The following STXBP5L variants were observed in gnomAD, a reference collection of about 807,000 sequenced individuals.
STXBP5L encodes syntaxin-binding protein 5-like.
STXBP5L carries 65 observed loss-of-function variants against 144.5 expected under a neutral mutation model. That is an observed-to-expected ratio of 0.45 (90% CI 0.37 to 0.55). STXBP5L has a LOEUF of 0.55. Among genes scored for constraint, STXBP5L ranks in the 20% least tolerant of loss-of-function variants. The probability of loss-of-function intolerance (pLI) is 0.00; values close to 1 mark genes in which losing one functional copy is unlikely to be tolerated. For synonymous variants in STXBP5L, 505 were observed against 469.6 expected, an observed-to-expected ratio of 1.08 and a Z score of -0.97; for missense variants, 1,298 against 1,405.5, an observed-to-expected ratio of 0.92 and a Z score of 1.22.
chr3:121,394,163 A>C (rs2046665553), intron 22 of STXBP5L, among the ~76,000 whole-genome samples: 1 of 152,026 alleles, frequency 6.6e-6, no homozygotes, highest in Non-Finnish European at 1.5e-5. Flanking sequence ...ATGTATTCCT[A>C]GGTATTTTTA....
intron 2 of STXBP5L, among the ~76,000 whole-genome samples, chr3:120,952,184 T>C (rs538153988): frequency 9.2e-5 from 14 of 151,466 alleles, no homozygotes; most frequent in Non-Finnish European, 1.5e-4. Context: ...AGGGATAGCA[T>C]TGGGAGATAT....
chr3:121,311,449 G>C (rs546450014), intron 19 of STXBP5L, among the ~76,000 whole-genome samples: 1 of 152,148 alleles, frequency 6.6e-6, no homozygotes, highest in African/African-American at 2.4e-5. Context: ...TAAAAGTGTG[G>C]TATATCTTTA....
intron 3 of STXBP5L, among the ~76,000 whole-genome samples, chr3:121,029,719 G>T (rs1022527718): frequency 6.6e-6 from 1 of 151,926 alleles, no homozygotes; most frequent in Non-Finnish European, 1.5e-5. Flanking sequence ...CACAGCAAAA[G>T]AAACTATCAT....
chr3:121,184,228 A>G (rs2047277034), intron 9 of STXBP5L, among the ~76,000 whole-genome samples: 1 of 152,038 alleles, frequency 6.6e-6, no homozygotes, highest in Non-Finnish European at 1.5e-5. Flanking sequence ...ATGAACCGAC[A>G]GAAGTAGGCT....
intron 3 of STXBP5L, among the ~76,000 whole-genome samples, chr3:120,966,258 T>G (rs1939560293): frequency 6.6e-6 from 1 of 152,200 alleles, no homozygotes; most frequent in African/African-American, 2.4e-5. Context: ...TTGTTATTAC[T>G]GACCTTCCGA....
At chr3:121,080,360 A>G (rs893731605) in intron 5 of STXBP5L, among the ~76,000 whole-genome samples, 2 of 152,160 alleles carry the variant, frequency 1.3e-5, no homozygotes, top group African/African-American at 2.4e-5. Context: ...TGTTCTATTC[A>G]TCATGTTAGT....
intron 20 of STXBP5L, among the ~76,000 whole-genome samples, chr3:121,338,590 G>C (rs1336917650): frequency 2.4e-5 from 1 of 41,280 alleles, no homozygotes; most frequent in Non-Finnish European, 3.9e-5. Context: ...TTGCATTTCT[G>C]TCAAAAAAAA....
chr3:121,025,949 A>G (rs1945900273), intron 3 of STXBP5L, among the ~76,000 whole-genome samples: 1 of 142,688 alleles, frequency 7.0e-6, no homozygotes, highest in Admixed American at 7.2e-5. Flanking sequence ...TTATATCAAT[A>G]TATCATAATG....
chr3:121,211,407 A>G (rs911143327), intron 10 of STXBP5L, among the ~76,000 whole-genome samples: 7 of 152,082 alleles, frequency 4.6e-5, no homozygotes, highest in African/African-American at 1.7e-4. Flanking sequence ...TTCCCAATTG[A>G]AAACCCTTTC....
chr3:121,199,628 T>C (rs2048059646), intron 9 of STXBP5L, among the ~76,000 whole-genome samples: 1 of 152,220 alleles, frequency 6.6e-6, no homozygotes. Context: ...TTTTCATAAA[T>C]AGCTTTTATT....
intron 19 of STXBP5L, among the ~76,000 whole-genome samples, chr3:121,300,580 C>A: frequency 6.6e-6 from 1 of 151,496 alleles, no homozygotes; most frequent in East Asian, 1.9e-4. Context: ...TGTAATGAAT[C>A]TAACAAATAG....
intron 19 of STXBP5L, among the ~76,000 whole-genome samples, chr3:121,287,276 A>G (rs988120953): frequency 7.2e-5 from 11 of 152,202 alleles, no homozygotes; most frequent in Non-Finnish European, 1.2e-4. Context: ...CTAGATTTGG[A>G]AAGGAAGAAG....
At chr3:121,387,999 G>A (rs1384755654) in intron 22 of STXBP5L, among the ~76,000 whole-genome samples, 1 of 152,126 alleles carries the variant, frequency 6.6e-6, no homozygotes, top group African/African-American at 2.4e-5. Context: ...GGGCAGTATG[G>A]CCATTTTCAC....
At chr3:121,385,139 T>C (rs184498643) in intron 22 of STXBP5L, among the ~76,000 whole-genome samples, 1 of 152,100 alleles carries the variant, frequency 6.6e-6, no homozygotes, top group Non-Finnish European at 1.5e-5. Flanking sequence ...TGGTAGATGC[T>C]TTTTCATTGC....
chr3:121,091,567 T>A (rs1175238369), intron 5 of STXBP5L, among the ~76,000 whole-genome samples: 1 of 152,222 alleles, frequency 6.6e-6, no homozygotes, highest in East Asian at 1.9e-4. Flanking sequence ...TTTGGCTGCA[T>A]AAATGTCTTC....
chr3:121,397,414 T>C (rs964417062), intron 22 of STXBP5L, among the ~76,000 whole-genome samples: 3 of 152,226 alleles, frequency 2.0e-5, no homozygotes, highest in African/African-American at 7.2e-5. Context: ...TATGTGCCCA[T>C]TTTCTAATTG....
At chr3:121,059,446 G>A (rs549590108) in intron 5 of STXBP5L, among the ~76,000 whole-genome samples, 64 of 152,098 alleles carry the variant, frequency 4.2e-4, no homozygotes, top group Non-Finnish European at 7.1e-4. Context: ...GGATTGTCGT[G>A]GCTATGTGGG....
chr3:121,137,862 TC>T (rs1033939163), intron 7 of STXBP5L, among the ~76,000 whole-genome samples: 1 of 152,016 alleles, frequency 6.6e-6, no homozygotes, highest in Non-Finnish European at 1.5e-5. Flanking sequence ...TTTTCTGACA[TC>T]CGGAACAAGG....
intron 3 of STXBP5L, among the ~76,000 whole-genome samples, chr3:120,979,750 A>G (rs1244632816): frequency 6.6e-6 from 1 of 151,810 alleles, no homozygotes; most frequent in Admixed American, 6.6e-5. Flanking sequence ...TTCTGCTCTG[A>G]TCTTTGTTGT....
Sources: gnomAD v4.1 joint callset for allele counts (sites outside exome capture counted in the v4.1 genomes callset) on GRCh38, gnomAD v4.1.1 for gene constraint, MANE v1.5 for transcripts, NCBI Gene and HGNC (gene_info 2026-07-23, HGNC 2026-07-21) for gene names.